The following GRIN3A variants were observed in gnomAD, a reference collection of about 807,000 sequenced individuals.
The protein encoded by GRIN3A is glutamate ionotropic receptor NMDA type subunit 3A.
In GRIN3A, 47 loss-of-function variants were observed where a neutral mutation model predicts 92.4. The observed-to-expected ratio is 0.51, with a 90% CI of 0.40 to 0.65. The LOEUF is 0.65. GRIN3A is among the 30% of genes least tolerant of loss of function. The pLI, the probability that GRIN3A is intolerant of heterozygous loss-of-function variation, is 0.00. For missense variants in GRIN3A, 1,324 were observed against 1,393.1 expected (o/e 0.95, Z 0.79); for synonymous variants, 527 against 540.6 (o/e 0.97, Z 0.35).
intron 1 of GRIN3A, among the ~76,000 whole-genome samples, chr9:101,698,877 C>T (rs1829718378): frequency 6.6e-6 from 1 of 152,020 alleles, no homozygotes; most frequent in African/African-American, 2.4e-5. Flanking sequence ...ACCATGTTAG[C>T]CAGGATGGTC....
At chr9:101,579,649 C>T (rs887043822) in intron 6 of GRIN3A, among the ~76,000 whole-genome samples, 1 of 152,096 alleles carries the variant, frequency 6.6e-6, no homozygotes, top group Admixed American at 6.6e-5. Flanking sequence ...CCATGGGGAC[C>T]CCGAAGAAAC....
rs537479647 is a variant in GRIN3A, at chr9:101,686,581, G to C, written c.1304+15C>G. ...GCCCTATGAATGGGGATATAACCGA[G>C]ACCTTGCATCCTACCTTGATAAATA... On this transcript the variant is annotated intron_variant, in intron 2 of 8. Transcript: ENST00000361820. 1.9e-6 allele frequency: 3 copies of C among 1,613,982 alleles called. No homozygotes were observed. In the South Asian group the frequency reaches 3.3e-5, roughly 18 times the overall value.
At chr9:101,600,616 G>T (rs1036720662) in intron 6 of GRIN3A, among the ~76,000 whole-genome samples, 1 of 152,170 alleles carries the variant, frequency 6.6e-6, no homozygotes, top group Non-Finnish European at 1.5e-5. Flanking sequence ...TTCTGGGAAG[G>T]AATGAGTGTT....
At chr9:101,691,068 C>T (rs1829610674) in intron 1 of GRIN3A, among the ~76,000 whole-genome samples, 1 of 151,800 alleles carries the variant, frequency 6.6e-6, no homozygotes, top group Non-Finnish European at 1.5e-5. Flanking sequence ...AAACACCTAT[C>T]ATAAAAAATA....
intron 3 of GRIN3A, among the ~76,000 whole-genome samples, chr9:101,660,891 C>A (rs759338544): frequency 6.6e-6 from 1 of 151,812 alleles, no homozygotes; most frequent in African/African-American, 2.4e-5. Context: ...ATGATGCTGC[C>A]ATTTTTCATT....
intron 6 of GRIN3A, among the ~76,000 whole-genome samples, chr9:101,583,216 T>C (rs1588235803): frequency 1.3e-5 from 2 of 152,230 alleles, no homozygotes; most frequent in East Asian, 3.9e-4. Flanking sequence ...AAGCCTGCAA[T>C]GCTTCTCAAA....
At chr9:101,684,131 T>C (rs1829500188) in intron 2 of GRIN3A, among the ~76,000 whole-genome samples, 2 of 149,216 alleles carry the variant, frequency 1.3e-5, no homozygotes, top group African/African-American at 5.0e-5. Context: ...TTTTTTTTTG[T>C]GACGGAGTCT....
At chr9:101,631,851 A>T (rs1828720011) in intron 3 of GRIN3A, among the ~76,000 whole-genome samples, 1 of 152,154 alleles carries the variant, frequency 6.6e-6, no homozygotes, top group South Asian at 2.1e-4. Flanking sequence ...CTCTTATTTG[A>T]GTCACCATCA....
chr9:101,574,342 A>G (rs1346291210), intron 8 of GRIN3A, among the ~76,000 whole-genome samples: 1 of 152,210 alleles, frequency 6.6e-6, no homozygotes, highest in Non-Finnish European at 1.5e-5. Flanking sequence ...TCTCACTACA[A>G]GAATAGATTA....
In GRIN3A at chr9:101,724,283, C is replaced by T. The variant is rs537296801; in HGVS notation, c.699+12998G>A. Among the ~76,000 whole-genome samples the T allele has an allele frequency of 4.6e-5, 7 of 152,296 alleles. No homozygotes were observed. In the East Asian group the frequency reaches 1.4e-3, roughly 30 times the overall value. On this transcript the variant is annotated intron_variant, in intron 1 of 8. Transcript: ENST00000361820. ...CCACAGGAAGGCAGCTAAGGCCCGGCGAGAAATCAAGCGCAGCGCCGGTGG... is the reference window on the plus strand; with the variant it reads ...CCACAGGAAGGCAGCTAAGGCCCGGTGAGAAATCAAGCGCAGCGCCGGTGG...
At chr9:101,642,946 C>T (rs1471714004) in intron 3 of GRIN3A, among the ~76,000 whole-genome samples, 1 of 152,122 alleles carries the variant, frequency 6.6e-6, no homozygotes, top group Non-Finnish European at 1.5e-5. Flanking sequence ...ACTGATTCTA[C>T]ATTATGATGA....
chr9:101,644,777 G>T (rs1828914560), intron 3 of GRIN3A, among the ~76,000 whole-genome samples: 1 of 151,698 alleles, frequency 6.6e-6, no homozygotes, highest in African/African-American at 2.4e-5. Flanking sequence ...TTTTTCAGTG[G>T]TCATCATGAG....
At chr9:101,735,143 T>A (rs918108634) in intron 1 of GRIN3A, among the ~76,000 whole-genome samples, 2 of 136,736 alleles carry the variant, frequency 1.5e-5, no homozygotes, top group African/African-American at 5.2e-5. Flanking sequence ...TAGAATGACA[T>A]TTAAATGAGA....
At chr9:101,573,636 C>T (rs1827790229) in intron 8 of GRIN3A, 123 bp from the exon 9 acceptor site, 1 of 793,998 alleles carries the variant, frequency 1.3e-6, no homozygotes, top group South Asian at 1.5e-5. Context: ...GATGAAGTAA[C>T]AAAGCCATGG....
At chr9:101,694,197 T>C (rs1416517036) in intron 1 of GRIN3A, among the ~76,000 whole-genome samples, 1 of 152,150 alleles carries the variant, frequency 6.6e-6, no homozygotes, top group Non-Finnish European at 1.5e-5. Context: ...TATACACAAT[T>C]AGAAGAAAGT....
In GRIN3A at chr9:101,570,380, G is replaced by A. The variant is rs1248430923; in HGVS notation, c.*2794C>T. ...GAACAGAGGCAGAGCTGAACGGAAA[G>A]GAGGTTTCCAAGGACCCACCATTTC... is the stretch of plus-strand genomic sequence containing the variant. On this transcript the variant is annotated 3_prime_UTR_variant, in exon 9 of 9. Coordinates refer to ENST00000361820, the MANE Select transcript of GRIN3A (RefSeq NM_133445.3). The A allele has an allele frequency of 2.0e-5, 3 of 152,582 alleles. No homozygotes were observed. Among genetic ancestry groups the A allele is most frequent in the Admixed American group, 2.0e-4 (3 of 15,280 alleles). 9.5% of individuals were successfully genotyped at this position (152,582 alleles called of 1,614,324 possible). A position where few individuals can be genotyped will look rare whatever the true frequency, so the allele number is the denominator to read the frequency against.
At chr9:101,636,836 G>A (rs528174769) in intron 3 of GRIN3A, among the ~76,000 whole-genome samples, 1 of 152,184 alleles carries the variant, frequency 6.6e-6, no homozygotes, top group African/African-American at 2.4e-5. Context: ...TTTGAACAGT[G>A]TTGTTTACAA....
At position 101,572,564 on chromosome 9, in the gene GRIN3A, G is replaced by C. The variant is rs1461648787; in HGVS notation, c.*610C>G. ...GCTCTTACTAAACAGTCAGGATGGA[G>C]TCAGAGATCCAGAACCTTCTCAAAA... On this transcript the variant is annotated 3_prime_UTR_variant, in exon 9 of 9. Coordinates refer to ENST00000361820, the MANE Select transcript of GRIN3A (RefSeq NM_133445.3). 6.4e-6 allele frequency: 1 copy of C among 157,080 alleles called. No individual in the cohort carries two copies. The highest frequency in any genetic ancestry group is 2.4e-5 in the African/African-American group (1 of 41,450). The allele number at this position is 157,080 out of a possible 1,614,324, so 9.7% of individuals were successfully genotyped here.
intron 6 of GRIN3A, among the ~76,000 whole-genome samples, chr9:101,596,309 A>G (rs929401428): frequency 6.6e-6 from 1 of 152,200 alleles, no homozygotes; most frequent in Non-Finnish European, 1.5e-5. Flanking sequence ...CATTACACAA[A>G]TGAAACCCCC....
Sources: gnomAD v4.1 joint callset for allele counts (sites outside exome capture counted in the v4.1 genomes callset) on GRCh38, gnomAD v4.1.1 for gene constraint, MANE v1.5 for transcripts, NCBI Gene and HGNC (gene_info 2026-07-23, HGNC 2026-07-21) for gene names.